Variants in DMD observed in about 807,000 individuals in gnomAD.
The protein encoded by DMD is dystrophin, also known as mutant dystrophin.
DMD carries 63 observed loss-of-function variants against 330.1 expected under a neutral mutation model. That is an observed-to-expected ratio of 0.19 (90% confidence interval 0.16 to 0.24). The LOEUF (loss-of-function observed/expected upper bound fraction) is 0.24, where lower values mean the gene tolerates loss of function less well. Among genes scored for constraint, DMD ranks in the 10% least tolerant of loss-of-function variants. The probability of loss-of-function intolerance (pLI) is 1.00; values close to 1 mark genes in which losing one functional copy is unlikely to be tolerated. For synonymous variants in DMD, 1,223 were observed against 959.8 expected (o/e 1.27, Z -5.07); for missense variants, 3,344 against 2,684.1 (o/e 1.25, Z -5.43).
At chrX:31,340,087 T>C (rs1414655875) in intron 61 of DMD, among the ~76,000 whole-genome samples, 1 of 112,212 alleles carries the variant, frequency 8.9e-6, no homozygotes, top group East Asian at 2.8e-4. Flanking sequence ...GCTTGGCAAC[T>C]CTCAAGATAG....
intron 7 of DMD, among the ~76,000 whole-genome samples, chrX:32,700,188 A>G (rs897041871): frequency 5.4e-5 from 6 of 111,644 alleles, no homozygotes; most frequent in African/African-American, 1.6e-4. Flanking sequence ...ATGTTAACAC[A>G]TAAGTTCTGA....
At chrX:32,189,884 A>AC (rs948209100) in intron 44 of DMD, among the ~76,000 whole-genome samples, 8 of 110,539 alleles carry the variant, frequency 7.2e-5, no homozygotes, top group Non-Finnish European at 1.3e-4. Context: ...GTTTTGTTAC[A>AC]TTTTTTTTAT....
intron 59 of DMD, among the ~76,000 whole-genome samples, chrX:31,454,960 T>C (rs1477062142): frequency 4.9e-5 from 5 of 101,575 alleles, no homozygotes; most frequent in African/African-American, 1.8e-4. Flanking sequence ...TCTTTTTTTT[T>C]TTTTTTTTTG....
At chrX:32,630,678 T>C (rs905805937) in intron 11 of DMD, among the ~76,000 whole-genome samples, 2 of 111,876 alleles carry the variant, frequency 1.8e-5, no homozygotes, top group Admixed American at 1.9e-4. Flanking sequence ...TCGATTCTTT[T>C]TATTTCAATC....
chrX:33,032,900 T>C (rs1357352167), intron 1 of DMD, among the ~76,000 whole-genome samples: 1 of 112,152 alleles, frequency 8.9e-6, no homozygotes, highest in Admixed American at 9.4e-5. Flanking sequence ...TAAGCCAGTG[T>C]TTATGAAAGA....
intron 62 of DMD, among the ~76,000 whole-genome samples, chrX:31,284,574 T>TTCTTCTTCCTCCTC: frequency 2.2e-5 from 2 of 92,194 alleles, no homozygotes; most frequent in African/African-American, 8.4e-5. Flanking sequence ...TTCTTCTTCT[T>TTCTTCTTCCTCCTC]CTTCTTCTTC....
At chrX:31,256,553 G>GTT (rs56078716) in intron 63 of DMD, among the ~76,000 whole-genome samples, 1 of 110,471 alleles carries the variant, frequency 9.1e-6, no homozygotes, top group Non-Finnish European at 1.9e-5. Flanking sequence ...ATCTTATATT[G>GTT]TTTTTTATCT....
At chrX:31,904,039 A>C (rs1478235712) in intron 47 of DMD, among the ~76,000 whole-genome samples, 1 of 111,745 alleles carries the variant, frequency 8.9e-6, no homozygotes, top group African/African-American at 3.2e-5. Context: ...AATACATATG[A>C]ATCATCTGTA....
chrX:32,129,866 G>A (rs12689485), intron 44 of DMD, among the ~76,000 whole-genome samples: 1 of 110,406 alleles, frequency 9.1e-6, no homozygotes. Flanking sequence ...GCAAGTGCCT[G>A]CAGTGACAAA....
chrX:31,200,930 G>A (rs1383637340), intron 67 of DMD, among the ~76,000 whole-genome samples: 1 of 111,561 alleles, frequency 9.0e-6, no homozygotes, highest in African/African-American at 3.3e-5. Flanking sequence ...AATTATAAAT[G>A]TTCAAAGAAG....
At chrX:32,942,555 A>C (rs1284510631) in intron 2 of DMD, among the ~76,000 whole-genome samples, 1 of 111,416 alleles carries the variant, frequency 9.0e-6, no homozygotes, top group Non-Finnish European at 1.9e-5. Context: ...AAAACAAAAA[A>C]AGAAAAAAAA....
At chrX:33,006,296 T>C (rs1000161012) in intron 2 of DMD, among the ~76,000 whole-genome samples, 2 of 111,476 alleles carry the variant, frequency 1.8e-5, no homozygotes, top group African/African-American at 6.5e-5. Flanking sequence ...CACACAATAT[T>C]GAAGGAGAAG....
intron 17 of DMD, among the ~76,000 whole-genome samples, chrX:32,527,531 T>A (rs1266539723): frequency 1.8e-5 from 2 of 109,838 alleles, no homozygotes; most frequent in African/African-American, 6.6e-5. Flanking sequence ...TCTTCCCCTT[T>A]CAACTTTCCT....
At chrX:31,683,841 C>T (rs745414782) in intron 52 of DMD, among the ~76,000 whole-genome samples, 1 of 111,984 alleles carries the variant, frequency 8.9e-6, no homozygotes, top group African/African-American at 3.2e-5. Flanking sequence ...TCATAACTAA[C>T]ATTTATTTGA....
chrX:31,228,776 G>A (rs1269970549), intron 63 of DMD, among the ~76,000 whole-genome samples: 1 of 111,966 alleles, frequency 8.9e-6, no homozygotes, highest in Non-Finnish European at 1.9e-5. Flanking sequence ...GACTATCCAA[G>A]AAACCAGTTA....
At chrX:31,143,743 G>A (rs988537083) in intron 76 of DMD, among the ~76,000 whole-genome samples, 9 of 111,290 alleles carry the variant, frequency 8.1e-5, no homozygotes, top group African/African-American at 1.6e-4. Flanking sequence ...CTGCCTATTC[G>A]CCATTGTCAA....
At chrX:32,244,001 T>C (rs1022944336) in intron 43 of DMD, among the ~76,000 whole-genome samples, 11 of 106,094 alleles carry the variant, frequency 1.0e-4, no homozygotes, top group African/African-American at 3.4e-4. Context: ...CATGTGCACA[T>C]TGTGTAGGTT....
rs1175532244 is a variant in DMD, at chrX:31,138,624, GGAGAGAGAGAGA to G, written c.10922-4442_10922-4431del. ...GCAAGGCACCTCTTACATGGCAGCAGGAGAGAGAGAGAGAGAGAGAGAGAGAGAGAGAGAGAG... is the reference window on the plus strand; with the variant it reads ...GCAAGGCACCTCTTACATGGCAGCAGGAGAGAGAGAGAGAGAGAGAGAGAG... On this transcript the variant is annotated intron_variant, in intron 76 of 78. Coordinates refer to ENST00000357033, the MANE Select transcript of DMD (RefSeq NM_004006.3). Among the ~76,000 whole-genome samples, 544 of 58,736 alleles carry G rather than the reference GGAGAGAGAGAGA, an allele frequency of 9.3e-3. 8 individuals are homozygous for G. The highest frequency in any genetic ancestry group is 0.034 in the East Asian group (54 of 1,609). 51.0% of individuals were successfully genotyped at this position (58,736 alleles called of 115,157 possible).
intron 53 of DMD, among the ~76,000 whole-genome samples, chrX:31,675,263 T>C (rs2082012068): frequency 8.9e-6 from 1 of 112,479 alleles, no homozygotes; most frequent in Admixed American, 9.4e-5. Flanking sequence ...TTGCTGTTTC[T>C]TTCCACTCTG....
Sources: allele counts gnomAD v4.1 joint callset (sites outside exome capture counted in the v4.1 genomes callset), GRCh38; gene constraint gnomAD v4.1.1; transcripts MANE v1.5; gene names NCBI Gene and HGNC (gene_info 2026-07-23, HGNC 2026-07-21).